SPIRE1: variants seen among roughly 807,000 people sequenced by gnomAD.
The protein encoded by SPIRE1 is spire type actin nucleation factor 1.
SPIRE1 carries 40 observed loss-of-function variants against 94.1 expected under a neutral mutation model. That is an observed-to-expected ratio of 0.43 (90% CI 0.33 to 0.55). SPIRE1 has a LOEUF of 0.55. Ranked by LOEUF, SPIRE1 falls within the 20% of genes least tolerant of loss-of-function variation. The probability of loss-of-function intolerance (pLI) is 0.06; values close to 1 mark genes in which losing one functional copy is unlikely to be tolerated. For missense variants in SPIRE1, 838 were observed against 975.2 expected (o/e 0.86, Z 1.87); for synonymous variants, 376 against 371.7 (o/e 1.01, Z -0.13).
At chr18:12,527,209 C>T (rs530482344) in intron 4 of SPIRE1, among the ~76,000 whole-genome samples, 3 of 152,182 alleles carry the variant, frequency 2.0e-5, no homozygotes, top group Non-Finnish European at 4.4e-5. Flanking sequence ...CACTCACATC[C>T]TGACCTACCT....
chr18:12,577,982 G>A (rs1173383598), intron 2 of SPIRE1, among the ~76,000 whole-genome samples: 2 of 152,102 alleles, frequency 1.3e-5, no homozygotes, highest in African/African-American at 4.8e-5. Flanking sequence ...AGTCATCAGG[G>A]AAAAGCACAT....
intron 1 of SPIRE1, among the ~76,000 whole-genome samples, chr18:12,657,197 A>G (rs1377184901): frequency 6.6e-6 from 1 of 150,934 alleles, no homozygotes; most frequent in Non-Finnish European, 1.5e-5. Flanking sequence ...AGCAGGGCCC[A>G]GCCCACCGCT....
At chr18:12,469,648 ATAT>A (rs2032266015) in intron 10 of SPIRE1, among the ~76,000 whole-genome samples, 2 of 144,184 alleles carry the variant, frequency 1.4e-5, no homozygotes, top group African/African-American at 2.5e-5. Context: ...TTATATAAAT[ATAT>A]TATTTACATA....
intron 3 of SPIRE1, among the ~76,000 whole-genome samples, chr18:12,542,266 C>T (rs936471455): frequency 8.5e-5 from 13 of 152,208 alleles, no homozygotes; most frequent in Admixed American, 1.3e-4. Flanking sequence ...TGAGCCACCG[C>T]ACGCAGCCAA....
rs572374245 is a variant in SPIRE1 at position 12,559,330 on chromosome 18, G to A, written c.373-12426C>T. 2.6e-5 allele frequency among the ~76,000 whole-genome samples: 4 copies of A among 152,300 alleles called. No individual in the cohort carries two copies. The highest frequency in any genetic ancestry group is 3.9e-4 in the East Asian group (2 of 5,162). On this transcript the variant is annotated intron_variant, in intron 2 of 16. Coordinates refer to ENST00000409402, the MANE Select transcript of SPIRE1 (RefSeq NM_001128626.2). The surrounding 1 kb of genome is among the most constrained non-coding windows in gnomAD (Gnocchi z 4.7). ...GCGCACCCTCCACAGCTGCTGGCGC[G>A]GGTGCTAAGCCTCTCATTGCCCGGG...
In SPIRE1 at chr18:12,657,816, T is replaced by G. The variant is rs1038832964; in HGVS notation, c.51A>C (p.Ala17=). The G allele has an allele frequency of 1.1e-5, 14 of 1,217,584 alleles. No homozygotes were observed. In the African/African-American group the frequency reaches 2.1e-4, roughly 18 times the overall value. 75.4% of individuals were successfully genotyped at this position (1,217,584 alleles called of 1,614,324 possible). A position where few individuals can be genotyped will look rare whatever the true frequency, so the allele number is the denominator to read the frequency against. ...PAGGGEPRTE[A]VGGEGPREPG... is the part of the protein sequence containing the mutation. ...GCTCCCGCGGCCCCTCGCCGCCCAC[T>G]GCCTCAGTCCGCGGCTCCCCGCCGC... Residue 17 remains alanine (A), a synonymous_variant, in exon 1 of 17, where the codon GCA becomes GCC. Coordinates refer to ENST00000409402, the MANE Select transcript of SPIRE1 (RefSeq NM_001128626.2).
intron 2 of SPIRE1, among the ~76,000 whole-genome samples, chr18:12,600,979 C>G (rs910289343): frequency 6.6e-6 from 1 of 152,132 alleles, no homozygotes; most frequent in Non-Finnish European, 1.5e-5. Context: ...GCCTCGGACT[C>G]CTAAACAGCT....
chr18:12,607,040 A>C (rs2036998531), intron 2 of SPIRE1, among the ~76,000 whole-genome samples: 1 of 152,206 alleles, frequency 6.6e-6, no homozygotes, highest in African/African-American at 2.4e-5. Flanking sequence ...AATAGCACCG[A>C]ATCTGACAGC....
intron 2 of SPIRE1, among the ~76,000 whole-genome samples, chr18:12,577,309 A>C (rs1238914392): frequency 6.6e-6 from 1 of 151,892 alleles, no homozygotes; most frequent in Non-Finnish European, 1.5e-5. Flanking sequence ...CACCACGCCC[A>C]GCTAATTTTT....
At chr18:12,531,826 T>C (rs2034691309) in intron 4 of SPIRE1, among the ~76,000 whole-genome samples, 1 of 152,140 alleles carries the variant, frequency 6.6e-6, no homozygotes, top group African/African-American at 2.4e-5. Context: ...TTAATATAAT[T>C]TCATTTTCTC....
At chr18:12,506,682 T>C (rs1190943592) in intron 5 of SPIRE1, 41 bp from the exon 6 acceptor site, 1 of 1,580,858 alleles carries the variant, frequency 6.3e-7, no homozygotes, top group South Asian at 1.1e-5. Context: ...TGAATAAATG[T>C]ACTAGTTTCT....
chr18:12,563,434 G>A (rs2035742175), intron 2 of SPIRE1, among the ~76,000 whole-genome samples: 2 of 151,938 alleles, frequency 1.3e-5, no homozygotes, highest in South Asian at 4.1e-4. Context: ...CAATCCTCCT[G>A]CTTCCACCTC....
chr18:12,633,381 A>T (rs754873433), intron 2 of SPIRE1, among the ~76,000 whole-genome samples: 2 of 152,164 alleles, frequency 1.3e-5, no homozygotes. Context: ...GTTTGAGACC[A>T]GCCTGGCCAA....
chr18:12,627,626 C>T (rs1397550663), intron 2 of SPIRE1, among the ~76,000 whole-genome samples: 4 of 152,116 alleles, frequency 2.6e-5, no homozygotes, highest in Non-Finnish European at 2.9e-5. Flanking sequence ...ATCCTTGAAT[C>T]GCCACACTGT....
At chr18:12,569,318 G>A (rs1355547117) in intron 2 of SPIRE1, among the ~76,000 whole-genome samples, 1 of 148,618 alleles carries the variant, frequency 6.7e-6, no homozygotes, top group Non-Finnish European at 1.5e-5. Flanking sequence ...TCCTGCCTGG[G>A]CGACAGAGTG....
At chr18:12,512,317 G>A (rs2034059549) in intron 5 of SPIRE1, 137 bp downstream of exon 5, 4 of 582,024 alleles carry the variant, frequency 6.9e-6, no homozygotes, top group Non-Finnish European at 1.2e-5. Context: ...TACCCGGGAG[G>A]TGGGGGTTGC....
At chr18:12,553,572 C>T (rs2144335241) in intron 2 of SPIRE1, among the ~76,000 whole-genome samples, 1 of 152,132 alleles carries the variant, frequency 6.6e-6, no homozygotes, top group East Asian at 1.9e-4. Flanking sequence ...AACAGAATAC[C>T]AGGCAGAAAA....
chr18:12,596,047 A>T (rs1405654441), intron 2 of SPIRE1, among the ~76,000 whole-genome samples: 1 of 152,246 alleles, frequency 6.6e-6, no homozygotes, highest in Non-Finnish European at 1.5e-5. Flanking sequence ...TTACACAATG[A>T]CCAGACCAAG....
intron 9 of SPIRE1, among the ~76,000 whole-genome samples, chr18:12,483,717 G>T (rs1271390593): frequency 6.6e-6 from 1 of 151,928 alleles, no homozygotes. Flanking sequence ...CTTAAGTTCA[G>T]AGTTATCATC....
Sources: allele counts gnomAD v4.1 joint callset (sites outside exome capture counted in the v4.1 genomes callset), GRCh38; gene constraint gnomAD v4.1.1; non-coding constraint Gnocchi (gnomAD v3.1); transcripts MANE v1.5; gene names NCBI Gene and HGNC (gene_info 2026-07-23, HGNC 2026-07-21).